Variants in EP400 observed in about 807,000 individuals in gnomAD.
The protein encoded by EP400 is E1A binding protein p400, also known as E1A-binding protein p400.
In EP400, 105 loss-of-function variants were observed where a neutral mutation model predicts 354.1. That is an observed-to-expected ratio of 0.30 (90% CI 0.25 to 0.35). EP400 has a LOEUF of 0.35. EP400 is among the 10% of genes least tolerant of loss of function. The pLI is 1.00. For synonymous variants in EP400, 1,646 were observed against 1,716.9 expected, an observed-to-expected ratio of 0.96 and a Z score of 1.02; for missense variants, 3,280 against 4,121.0, an observed-to-expected ratio of 0.80 and a Z score of 5.59.
intron 47 of EP400, among the ~76,000 whole-genome samples, chr12:132,063,903 C>T (rs1441157660): frequency 2.0e-5 from 3 of 152,224 alleles, no homozygotes; most frequent in African/African-American, 4.8e-5. Context: ...AATTAGAATG[C>T]TGTGCTCAAG....
At chr12:132,056,593 C>T (rs1368022201) in intron 45 of EP400, among the ~76,000 whole-genome samples, 2 of 152,156 alleles carry the variant, frequency 1.3e-5, no homozygotes, top group African/African-American at 4.8e-5. Context: ...AAAGGCACTC[C>T]AGGTGGATCA....
chr12:132,015,913 C>T (rs758440394), intron 19 of EP400, among the ~76,000 whole-genome samples: 7 of 152,116 alleles, frequency 4.6e-5, no homozygotes, highest in Non-Finnish European at 8.8e-5. Flanking sequence ...ATGCCACACC[C>T]GCTGCCGTGA....
chr12:132,032,134 A>G lies in EP400; in HGVS notation c.5936A>G (p.Asp1979Gly). 1 of 1,613,528 alleles carries G rather than the reference A, an allele frequency of 6.2e-7. No homozygotes were observed. The highest frequency in any genetic ancestry group is 8.5e-7 in the Non-Finnish European group (1 of 1,179,720). The change falls in exon 30 of 53, where the codon GAC becomes GGC. Residue 1979 changes from aspartate to glycine, a missense_variant. Around this residue, in one of 20 missense-constraint regions of EP400, gnomAD observed 459 missense variants for 496.9 expected, o/e 0.92. Coordinates refer to ENST00000389561, the MANE Select transcript of EP400 (RefSeq NM_015409.5). ...EWCDRIGRCK[D>G]IHIYRLVSGN... ...TGCGATAGGATCGGGAGATGCAAAG[A>G]CATCCACATATACAGGTGAGGGCCT...
rs927214848 is a variant in EP400, at chr12:131,952,302, C to CAAAAAAAAAAA, written c.-36+2279_-36+2289dup. On this transcript the variant is annotated intron_variant, in intron 1 of 52. Coordinates refer to ENST00000389561, the MANE Select transcript of EP400 (RefSeq NM_015409.5). ...TGGGCGACAGAGCGAGACTCTGTCT[C>CAAAAAAAAAAA]AAAAAAAAAAAAAAAAAAAAAAAGA... 1.7e-4 allele frequency among the ~76,000 whole-genome samples: 8 copies of CAAAAAAAAAAA among 47,028 alleles called. 1 individual carries two copies. Among genetic ancestry groups the CAAAAAAAAAAA allele is most frequent in the Non-Finnish European group, 3.2e-4 (7 of 22,108 alleles). 30.9% of individuals were successfully genotyped at this position (47,028 alleles called of 152,430 possible).
chr12:131,978,361 G>A (rs776717410), intron 2 of EP400, among the ~76,000 whole-genome samples: 6 of 152,062 alleles, frequency 3.9e-5, no homozygotes, highest in East Asian at 1.9e-4. Context: ...TAGTTTCACC[G>A]CCCTAGAAAT....
intron 12 of EP400, among the ~76,000 whole-genome samples, chr12:131,998,200 C>A (rs1204406554): frequency 1.3e-5 from 2 of 152,130 alleles, no homozygotes; most frequent in South Asian, 4.1e-4. Flanking sequence ...TATAATAGTT[C>A]TTGATGTCTG....
intron 30 of EP400, among the ~76,000 whole-genome samples, chr12:132,035,233 G>C (rs1011892044): frequency 2.5e-4 from 38 of 152,076 alleles, no homozygotes; most frequent in Non-Finnish European, 5.9e-5. Flanking sequence ...TTAAGGGAAC[G>C]AGCCTGTTCA....
chr12:132,014,289 G>A (rs1050972302), intron 19 of EP400, among the ~76,000 whole-genome samples: 4 of 152,240 alleles, frequency 2.6e-5, no homozygotes, highest in African/African-American at 9.6e-5. Flanking sequence ...CCAGGACTTG[G>A]GTCGGCTGTG....
At chr12:131,985,917 T>C (rs1001483597) in intron 5 of EP400, among the ~76,000 whole-genome samples, 1 of 152,146 alleles carries the variant, frequency 6.6e-6, no homozygotes, top group Non-Finnish European at 1.5e-5. Context: ...CTGAGGAGGA[T>C]TTTTTAACCC....
intron 2 of EP400, among the ~76,000 whole-genome samples, chr12:131,965,371 A>C (rs558205123): frequency 1.1e-4 from 17 of 152,366 alleles, no homozygotes; most frequent in African/African-American, 4.1e-4. Flanking sequence ...GTCTTGCCTG[A>C]ATCAGTTATT....
intron 32 of EP400, among the ~76,000 whole-genome samples, chr12:132,042,774 C>G (rs1894957151): frequency 6.6e-6 from 1 of 152,212 alleles, no homozygotes; most frequent in Non-Finnish European, 1.5e-5. Context: ...GTCATTCTAA[C>G]TTGTGTATCT....
At chr12:132,058,353 A>ATTTTTTTTTTTTTTTTTTTTTTTTTTT (rs60226464) in intron 45 of EP400, among the ~76,000 whole-genome samples, 1 of 129,562 alleles carries the variant, frequency 7.7e-6, no homozygotes, top group African/African-American at 3.0e-5. Context: ...TAAAGATTGG[A>ATTTTTTTTTTTTTTTTTTTTTTTTTTT]TTTTTTTTTT....
chr12:132,015,054 G>A (rs1197745275), intron 19 of EP400, among the ~76,000 whole-genome samples: 1 of 152,218 alleles, frequency 6.6e-6, no homozygotes, highest in African/African-American at 2.4e-5. Context: ...GCACTCATGG[G>A]CTCGCCAGGG....
At chr12:131,962,766 C>T (rs915923129) in intron 2 of EP400, among the ~76,000 whole-genome samples, 1 of 152,198 alleles carries the variant, frequency 6.6e-6, no homozygotes, top group Admixed American at 6.5e-5. Flanking sequence ...CTGTGACACA[C>T]TGTATTTTGT....
At chr12:132,006,429 G>A (rs935376555) in intron 14 of EP400, 127 bp downstream of exon 14, 4 of 1,199,950 alleles carry the variant, frequency 3.3e-6, no homozygotes, top group African/African-American at 1.5e-5. Context: ...GTCAGAAAAA[G>A]CAATTCTTCA....
chr12:132,069,787 G>GGAA, intron 51 of EP400, 146 bp downstream of exon 51: 8 of 1,261,126 alleles, frequency 6.3e-6, no homozygotes, highest in Non-Finnish European at 8.6e-6. Flanking sequence ...CTGGCCTCAG[G>GGAA]TTTCAACCCC....
intron 23 of EP400, among the ~76,000 whole-genome samples, chr12:132,023,486 A>T (rs984245312): frequency 6.6e-6 from 1 of 151,940 alleles, no homozygotes; most frequent in Non-Finnish European, 1.5e-5. Context: ...TTTCGGTAGA[A>T]AAGTAAAATG....
chr12:132,069,240 G>A, intron 50 of EP400: 1 of 470,962 alleles, frequency 2.1e-6, no homozygotes, highest in Non-Finnish European at 3.8e-6. Flanking sequence ...CAGTGTCCCG[G>A]GTGGGGTGGG....
chr12:132,044,582 G>T, intron 35 of EP400, 89 bp from the exon 36 acceptor site: 2 of 1,494,164 alleles, frequency 1.3e-6, no homozygotes, highest in South Asian at 2.3e-5. Context: ...TTATTTGAAA[G>T]ACTTAATGAG....
Sources: gnomAD v4.1 joint callset for allele counts (sites outside exome capture counted in the v4.1 genomes callset) on GRCh38, gnomAD v4.1.1 for gene constraint, gnomAD v4.1.1 regional missense constraint, MANE v1.5 for transcripts, NCBI Gene and HGNC (gene_info 2026-07-23, HGNC 2026-07-21) for gene names.